Variants in IL19 observed in about 807,000 individuals in gnomAD.
The protein encoded by IL19 is interleukin 19, also known as interleukin-19.
In IL19, 15 loss-of-function variants were observed where a neutral mutation model predicts 19.5. The ratio of observed to expected loss-of-function variants is 0.77; its 90% confidence interval spans 0.52 to 1.19. The LOEUF (loss-of-function observed/expected upper bound fraction) is 1.19, where lower values mean the gene tolerates loss of function less well. IL19 is among the 50% of genes most tolerant of loss of function. The probability of loss-of-function intolerance (pLI) is 0.00; values close to 1 mark genes in which losing one functional copy is unlikely to be tolerated. For synonymous variants in IL19, 78 were observed against 78.3 expected (o/e 1.00, Z 0.02); for missense variants, 199 against 213.1 (o/e 0.93, Z 0.41).
At position 206,800,372 on chromosome 1, in the gene IL19, G is replaced by C. The variant is rs568385499; in HGVS notation, c.-3+1366G>C. ...GGGCAGGGCAGTGGTGGTGGGGTAG[G>C]GGGGAAGGTCACAGATGAATGCTCC... On this transcript the variant is annotated intron_variant, in intron 2 of 6. Coordinates refer to ENST00000659997, the MANE Select transcript of IL19 (RefSeq NM_153758.5). 2.0e-4 allele frequency among the ~76,000 whole-genome samples: 31 copies of C among 152,320 alleles called. 1 individual carries two copies. Among genetic ancestry groups the C allele is most frequent in the African/African-American group, 7.0e-4 (29 of 41,580 alleles).
intron 1 of IL19, among the ~76,000 whole-genome samples, chr1:206,796,196 C>A (rs1558610341): frequency 6.6e-6 from 1 of 152,098 alleles, no homozygotes; most frequent in Non-Finnish European, 1.5e-5. Context: ...GGGGAATTCT[C>A]CTTTCCCCTA....
At chr1:206,831,826 T>G (rs112924324) in intron 2 of IL19, among the ~76,000 whole-genome samples, 15 of 152,336 alleles carry the variant, frequency 9.8e-5, no homozygotes, top group African/African-American at 3.4e-4. Flanking sequence ...CACCACATGC[T>G]GGAAGAGGAG....
At chr1:206,808,296 C>A (rs1433783891) in intron 2 of IL19, among the ~76,000 whole-genome samples, 1 of 152,242 alleles carries the variant, frequency 6.6e-6, no homozygotes, top group African/African-American at 2.4e-5. Context: ...CACTACTGCA[C>A]TCCAGCCTGA....
At chr1:206,796,637 A>T (rs1484214755) in intron 1 of IL19, among the ~76,000 whole-genome samples, 1 of 152,174 alleles carries the variant, frequency 6.6e-6, no homozygotes, top group Non-Finnish European at 1.5e-5. Context: ...ATCATGTTAC[A>T]ATTGTCTGCA....
chr1:206,774,162 G>A (rs965905013), intron 1 of IL19, among the ~76,000 whole-genome samples: 1 of 152,324 alleles, frequency 6.6e-6, no homozygotes, highest in Non-Finnish European at 1.5e-5. Context: ...GGGATGAGAG[G>A]GCCCACGCCC....
At chr1:206,822,790 C>T (rs1242348845) in intron 2 of IL19, among the ~76,000 whole-genome samples, 3 of 152,164 alleles carry the variant, frequency 2.0e-5, no homozygotes, top group Non-Finnish European at 2.9e-5. Context: ...CGGTGTCCCC[C>T]AAACCTAGTG....
chr1:206,795,087 C>T (rs1292528939), intron 1 of IL19, among the ~76,000 whole-genome samples: 1 of 152,172 alleles, frequency 6.6e-6, no homozygotes. Context: ...CTTTCATTCT[C>T]CACACAAAAA....
chr1:206,810,575 C>T (rs1675978714), intron 2 of IL19, among the ~76,000 whole-genome samples: 1 of 152,138 alleles, frequency 6.6e-6, no homozygotes, highest in Non-Finnish European at 1.5e-5. Context: ...CTTCTATAAG[C>T]CAGGTATGAT....
intron 1 of IL19, among the ~76,000 whole-genome samples, chr1:206,784,391 C>T (rs1225287908): frequency 6.6e-6 from 1 of 152,138 alleles, no homozygotes; most frequent in Non-Finnish European, 1.5e-5. Context: ...TCCAAATCCA[C>T]CAGGTCAGCA....
At chr1:206,841,165 T>C in intron 6 of IL19, 87 bp downstream of exon 6, 5 of 968,878 alleles carry the variant, frequency 5.2e-6, no homozygotes, top group Non-Finnish European at 8.3e-6. Context: ...TCCACTTAAA[T>C]TCATGCATTC....
intron 1 of IL19, among the ~76,000 whole-genome samples, chr1:206,784,897 A>G (rs536710400): frequency 6.6e-6 from 1 of 152,338 alleles, no homozygotes; most frequent in South Asian, 2.1e-4. Context: ...TTGTTGGTGT[A>G]CTTGGCTCCT....
rs1675599771 is a variant in IL19 at position 206,798,902 on chromosome 1, C to A, written c.-107C>A. On this transcript the variant is annotated 5_prime_UTR_variant, in exon 2 of 7. The change creates a new upstream start codon in the 5' untranslated region. Coordinates refer to ENST00000659997, the MANE Select transcript of IL19 (RefSeq NM_153758.5). ...ACTGACAGGAGTCCAAGAATGTGCA[C>A]TGAGGGAGCGTTTCCGCACAGATCT... 1.2e-6 allele frequency: 2 copies of A among 1,611,916 alleles called. No homozygotes were observed. Among genetic ancestry groups the A allele is most frequent in the Non-Finnish European group, 1.7e-6 (2 of 1,179,188 alleles).
At chr1:206,778,432 G>C (rs1319115546) in intron 1 of IL19, among the ~76,000 whole-genome samples, 1 of 152,124 alleles carries the variant, frequency 6.6e-6, no homozygotes, top group Admixed American at 6.5e-5. Context: ...TGAGTGTGGG[G>C]CACAAATGGA....
intron 5 of IL19, 193 bp downstream of exon 5, chr1:206,840,195 A>G: frequency 1.4e-6 from 1 of 718,924 alleles, no homozygotes; most frequent in East Asian, 2.7e-5. Context: ...GCCTGCTGAC[A>G]ACTCCTCAGA....
chr1:206,786,670 AG>A lies in IL19; in HGVS notation c.-148-12189del, dbSNP rs528671433. On this transcript the variant is annotated intron_variant, in intron 1 of 6. Transcript: ENST00000659997. ...ATTGGCTGCAGTGGTGGGAAAATTG[AG>A]GTTGAGGCTGCTATTGCCACTGTAA... Among the ~76,000 whole-genome samples, 603 of 152,122 alleles carry A rather than the reference AG, an allele frequency of 4.0e-3. 2 individuals carry two copies. Among genetic ancestry groups the A allele is most frequent in the South Asian group, 8.3e-3 (40 of 4,810 alleles).
intron 6 of IL19, 50 bp from the exon 7 acceptor site, chr1:206,842,477 C>A (rs1252015441): frequency 1.7e-6 from 2 of 1,154,062 alleles, no homozygotes; most frequent in Non-Finnish European, 2.5e-6. Context: ...GACTTGAAAA[C>A]CATTACACAG....
At chr1:206,795,976 G>A (rs1032613730) in intron 1 of IL19, among the ~76,000 whole-genome samples, 1 of 144,810 alleles carries the variant, frequency 6.9e-6, no homozygotes, top group African/African-American at 2.6e-5. Flanking sequence ...TTATTATAAG[G>A]TATAAGGTAT....
intron 1 of IL19, among the ~76,000 whole-genome samples, chr1:206,773,229 A>G (rs1674906409): frequency 6.6e-6 from 1 of 152,198 alleles, no homozygotes; most frequent in South Asian, 2.1e-4. Context: ...CTAGTCAGGT[A>G]GTGCTCACCA....
chr1:206,808,368 A>T (rs1281239532), intron 2 of IL19, among the ~76,000 whole-genome samples: 1 of 152,136 alleles, frequency 6.6e-6, no homozygotes, highest in African/African-American at 2.4e-5. Context: ...ACCATACCAA[A>T]CAAAAGATAT....
Sources: allele counts gnomAD v4.1 joint callset (sites outside exome capture counted in the v4.1 genomes callset), GRCh38; gene constraint gnomAD v4.1.1; transcripts MANE v1.5; gene names NCBI Gene and HGNC (gene_info 2026-07-23, HGNC 2026-07-21).